Variants in NEDD9 observed in about 807,000 individuals in gnomAD.
NEDD9 encodes the protein neural precursor cell expressed, developmentally down-regulated 9.
A neutral mutation model predicts 76.6 loss-of-function variants in NEDD9; 26 were observed. The observed-to-expected ratio is 0.34, with a 90% CI of 0.25 to 0.47. NEDD9 has a LOEUF of 0.47. NEDD9 is among the 20% of genes least tolerant of loss of function. The probability of loss-of-function intolerance (pLI) is 1.00; values close to 1 mark genes in which losing one functional copy is unlikely to be tolerated. For synonymous variants in NEDD9, 392 were observed against 414.2 expected, an observed-to-expected ratio of 0.95 and a Z score of 0.65; for missense variants, 937 against 1,058.5, an observed-to-expected ratio of 0.89 and a Z score of 1.59.
intron 3 of NEDD9, among the ~76,000 whole-genome samples, chr6:11,275,565 C>CACATATATAT (rs551632582): frequency 4.0e-5 from 6 of 150,184 alleles, no homozygotes; most frequent in Admixed American, 6.6e-5. Context: ...CACACACACA[C>CACATATATAT]ATATATATAT....
intron 3 of NEDD9, among the ~76,000 whole-genome samples, chr6:11,267,507 A>G: frequency 6.6e-6 from 1 of 152,342 alleles, no homozygotes; most frequent in East Asian, 1.9e-4. Context: ...GTTTATTAGT[A>G]AAATAGAATA....
intron 1 of NEDD9, among the ~76,000 whole-genome samples, chr6:11,355,435 C>T: frequency 6.6e-6 from 1 of 152,184 alleles, no homozygotes; most frequent in Middle Eastern, 3.2e-3. Context: ...AATAATAAAT[C>T]AGCCAAAACG....
chr6:11,331,523 A>T (rs549303716), intron 2 of NEDD9, among the ~76,000 whole-genome samples: 1 of 152,322 alleles, frequency 6.6e-6, no homozygotes, highest in African/African-American at 2.4e-5. Flanking sequence ...TAAAGGGTGC[A>T]AAAATAAAAG....
At chr6:11,220,632 T>C (rs1454777402) in intron 1 of NEDD9, among the ~76,000 whole-genome samples, 3 of 152,216 alleles carry the variant, frequency 2.0e-5, no homozygotes, top group Non-Finnish European at 4.4e-5. Flanking sequence ...AGCACTATTT[T>C]GGTGGCTCAT....
chr6:11,281,321 C>T (rs974971900), intron 3 of NEDD9, among the ~76,000 whole-genome samples: 1 of 152,202 alleles, frequency 6.6e-6, no homozygotes, highest in Admixed American at 6.5e-5. Context: ...TATCATTCTG[C>T]CTTCCAGGAT....
chr6:11,299,713 G>C (rs1212338876), intron 3 of NEDD9, among the ~76,000 whole-genome samples: 1 of 152,194 alleles, frequency 6.6e-6, no homozygotes, highest in Admixed American at 6.5e-5. Context: ...TGATACCCAG[G>C]CAAACAGGGT....
intron 3 of NEDD9, among the ~76,000 whole-genome samples, chr6:11,294,337 G>A (rs1329254953): frequency 1.3e-5 from 2 of 152,198 alleles, no homozygotes; most frequent in African/African-American, 4.8e-5. Flanking sequence ...GATCTTCAGT[G>A]TTGGGGGAGG....
intron 3 of NEDD9, among the ~76,000 whole-genome samples, chr6:11,287,115 C>G (rs933466727): frequency 1.3e-5 from 2 of 152,000 alleles, no homozygotes; most frequent in Non-Finnish European, 2.9e-5. Flanking sequence ...TCAGTTATGC[C>G]TCAATAAAGC....
intron 3 of NEDD9, among the ~76,000 whole-genome samples, chr6:11,253,775 A>G (rs1375017125): frequency 6.6e-6 from 1 of 152,228 alleles, no homozygotes; most frequent in African/African-American, 2.4e-5. Flanking sequence ...AGGATTCTAT[A>G]AAAAGAATAA....
At chr6:11,379,683 G>T (rs182415453) in intron 1 of NEDD9, among the ~76,000 whole-genome samples, 1 of 151,658 alleles carries the variant, frequency 6.6e-6, no homozygotes, top group Non-Finnish European at 1.5e-5. Context: ...AAAACAGGCC[G>T]TTGTGGTTTA....
At chr6:11,203,790 C>CT (rs1758523818) in intron 2 of NEDD9, among the ~76,000 whole-genome samples, 1 of 152,196 alleles carries the variant, frequency 6.6e-6, no homozygotes, top group African/African-American at 2.4e-5. Flanking sequence ...GCTCAGCACA[C>CT]TCCAGTCCCT....
chr6:11,279,395 C>A (rs990386431), intron 3 of NEDD9, among the ~76,000 whole-genome samples: 7 of 152,214 alleles, frequency 4.6e-5, no homozygotes, highest in Non-Finnish European at 1.0e-4. Context: ...GCTCCCCAGG[C>A]CATGGCAAAA....
At chr6:11,242,598 A>AAC (rs944856236) in intron 3 of NEDD9, among the ~76,000 whole-genome samples, 8 of 152,036 alleles carry the variant, frequency 5.3e-5, no homozygotes, top group Non-Finnish European at 1.2e-4. Context: ...GCAAAAAAAA[A>AAC]AAACTGTCTT....
chr6:11,200,294 G>A (rs770927349), intron 2 of NEDD9: 1 of 458,952 alleles, frequency 2.2e-6, no homozygotes, highest in Non-Finnish European at 4.4e-6. Context: ...GAAGACATCA[G>A]GGTTGCCAGA....
chr6:11,299,979 A>G (rs1002562759), intron 3 of NEDD9, among the ~76,000 whole-genome samples: 3 of 152,214 alleles, frequency 2.0e-5, no homozygotes, highest in Non-Finnish European at 4.4e-5. Context: ...GCCCCTCACC[A>G]GCAAAGGAAC....
At chr6:11,201,519 G>GA (rs1435100575) in intron 2 of NEDD9, among the ~76,000 whole-genome samples, 1 of 152,182 alleles carries the variant, frequency 6.6e-6, no homozygotes, top group Non-Finnish European at 1.5e-5. Flanking sequence ...AAACGAAGCA[G>GA]AAAAATCCTA....
chr6:11,191,992 G>A lies in NEDD9; in HGVS notation c.663+353C>T, dbSNP rs188855427. 6.2e-3 allele frequency among the ~76,000 whole-genome samples: 941 copies of A among 152,176 alleles called. 4 individuals are homozygous for A. The highest frequency in any genetic ancestry group is 9.7e-3 in the Non-Finnish European group (660 of 67,992). On this transcript the variant is annotated intron_variant, in intron 4 of 6. Coordinates refer to ENST00000379446, the MANE Select transcript of NEDD9 (RefSeq NM_006403.4). ...TGCACTCCAGCCTGGGTGACAGAGC[G>A]AGACCCTGTCTCAAACAAAATGTAA...
chr6:11,332,761 A>G (rs1266741211), intron 2 of NEDD9, among the ~76,000 whole-genome samples: 1 of 152,202 alleles, frequency 6.6e-6, no homozygotes, highest in East Asian at 1.9e-4. Flanking sequence ...CGTTCTCAGC[A>G]TCTAGCACCA....
In NEDD9 at chr6:11,188,826, C is replaced by T. The variant is rs187249362; in HGVS notation, c.1906-519G>A. 3.5e-4 allele frequency among the ~76,000 whole-genome samples: 54 copies of T among 152,272 alleles called. 1 individual carries two copies. Among genetic ancestry groups the T allele is most frequent in the African/African-American group, 1.3e-3 (53 of 41,542 alleles). ...CAGTTCTCCTTGCCACACTTTCTTG[C>T]GCTTGAGGGAATTTGGCATAATAGT... On this transcript the variant is annotated intron_variant, in intron 5 of 6. Transcript: ENST00000379446.
Sources: gnomAD v4.1 joint callset for allele counts (sites outside exome capture counted in the v4.1 genomes callset) on GRCh38, gnomAD v4.1.1 for gene constraint, MANE v1.5 for transcripts, NCBI Gene and HGNC (gene_info 2026-07-23, HGNC 2026-07-21) for gene names.